The following CNOT2 variants were observed in gnomAD, a reference collection of about 807,000 sequenced individuals.
CNOT2 encodes CC chemokine receptor 4-negative regulator of transcription 2.
A neutral mutation model predicts 72.1 loss-of-function variants in CNOT2; 7 were observed. The ratio of observed to expected loss-of-function variants is 0.10; its 90% CI spans 0.06 to 0.18. CNOT2 has a LOEUF of 0.18. Ranked by LOEUF, CNOT2 falls within the 10% of genes least tolerant of loss-of-function variation. The pLI, the probability that CNOT2 is intolerant of heterozygous loss-of-function variation, is 1.00. For missense variants in CNOT2, 345 were observed against 660.3 expected, an observed-to-expected ratio of 0.52 and a Z score of 5.23; for synonymous variants, 196 against 225.6, an observed-to-expected ratio of 0.87 and a Z score of 1.17.
At chr12:70,253,815 A>C (rs61929912) in intron 1 of CNOT2, among the ~76,000 whole-genome samples, 17,965 of 152,190 alleles carry the variant, frequency 0.12, 1,430 homozygotes, top group Non-Finnish European at 0.18. Context: ...ATATGTTCTG[A>C]GACCCCAGTG....
At chr12:70,303,303 T>A (rs1381737873) in intron 2 of CNOT2, among the ~76,000 whole-genome samples, 1 of 152,234 alleles carries the variant, frequency 6.6e-6, no homozygotes, top group Non-Finnish European at 1.5e-5. Context: ...TGCAGTTTCT[T>A]CCTAGCCTTG....
At chr12:70,253,676 A>G (rs887084948) in intron 1 of CNOT2, among the ~76,000 whole-genome samples, 2 of 152,182 alleles carry the variant, frequency 1.3e-5, no homozygotes, top group Admixed American at 1.3e-4. Context: ...AGTGTTGCTG[A>G]TGGCAACTCA....
intron 4 of CNOT2, among the ~76,000 whole-genome samples, chr12:70,319,815 T>G (rs1877988016): frequency 6.6e-6 from 1 of 151,752 alleles, no homozygotes; most frequent in Non-Finnish European, 1.5e-5. Context: ...AAGTATTTCT[T>G]AAATATTTCT....
chr12:70,263,590 ACTTTC>A (rs1163283941), intron 1 of CNOT2, among the ~76,000 whole-genome samples: 4 of 152,090 alleles, frequency 2.6e-5, no homozygotes, highest in African/African-American at 9.7e-5. Flanking sequence ...GTCACATCAC[ACTTTC>A]CTTTACGTCT....
chr12:70,354,111 A>C lies in CNOT2; in HGVS notation c.*196A>C. 9.8e-7 allele frequency: 1 copy of C among 1,016,640 alleles called. No homozygotes were observed. Among genetic ancestry groups the C allele is most frequent in the Non-Finnish European group, 1.3e-6 (1 of 767,478 alleles). The allele number at this position is 1,016,640 out of a possible 1,614,324, so 63.0% of individuals were successfully genotyped here. A position where few individuals can be genotyped will look rare whatever the true frequency, so the allele number is the denominator to read the frequency against. ...TAATTATGTGCTGCCCAACAACTAA[A>C]TTTGTAATTTGTTTTTCTCTAGTTT... On this transcript the variant is annotated 3_prime_UTR_variant, in exon 16 of 16. Transcript: ENST00000229195.
chr12:70,283,549 G>A (rs1202227349), intron 2 of CNOT2, among the ~76,000 whole-genome samples: 1 of 150,432 alleles, frequency 6.6e-6, no homozygotes. Context: ...AAAGTTGTCA[G>A]ATCTGGTGCC....
At chr12:70,256,610 A>G (rs1375583456) in intron 1 of CNOT2, among the ~76,000 whole-genome samples, 1 of 149,914 alleles carries the variant, frequency 6.7e-6, no homozygotes, top group African/African-American at 2.4e-5. Flanking sequence ...AAAAGTGGTA[A>G]TAGCATATAC....
chr12:70,350,990 A>G (rs1466239742), intron 15 of CNOT2, among the ~76,000 whole-genome samples: 2 of 152,184 alleles, frequency 1.3e-5, no homozygotes, highest in Non-Finnish European at 2.9e-5. Flanking sequence ...CTTGAATTGA[A>G]CAAGTAACCT....
intron 1 of CNOT2, among the ~76,000 whole-genome samples, chr12:70,246,262 T>A (rs1370268937): frequency 6.6e-6 from 1 of 152,282 alleles, no homozygotes; most frequent in Non-Finnish European, 1.5e-5. Flanking sequence ...TCTGTTGGGA[T>A]CACATATTTG....
intron 2 of CNOT2, among the ~76,000 whole-genome samples, chr12:70,295,619 T>C (rs532625695): frequency 2.0e-5 from 3 of 152,284 alleles, no homozygotes; most frequent in Non-Finnish European, 4.4e-5. Flanking sequence ...TATTTTATAG[T>C]TTTACATCCT....
intron 1 of CNOT2, among the ~76,000 whole-genome samples, chr12:70,250,246 CAA>C (rs1421236868): frequency 3.9e-5 from 6 of 152,250 alleles, no homozygotes; most frequent in African/African-American, 1.2e-4. Flanking sequence ...GCTCGATCAC[CAA>C]AGTCACTTCC....
At chr12:70,245,680 C>G (rs1459041368) in intron 1 of CNOT2, among the ~76,000 whole-genome samples, 2 of 152,090 alleles carry the variant, frequency 1.3e-5, no homozygotes, top group African/African-American at 4.8e-5. Context: ...CCCCAAGTAC[C>G]TGCTCTTGAA....
intron 1 of CNOT2, among the ~76,000 whole-genome samples, chr12:70,266,631 C>T (rs1005587850): frequency 2.0e-5 from 3 of 152,122 alleles, no homozygotes; most frequent in East Asian, 3.9e-4. Flanking sequence ...GTTGTAAGTG[C>T]GTACACATTT....
intron 2 of CNOT2, among the ~76,000 whole-genome samples, chr12:70,302,169 C>T (rs1338446530): frequency 6.6e-6 from 1 of 152,122 alleles, no homozygotes; most frequent in Non-Finnish European, 1.5e-5. Context: ...AAACCAGCTC[C>T]TGGATTCATT....
At chr12:70,272,281 C>T (rs1218627942) in intron 1 of CNOT2, among the ~76,000 whole-genome samples, 1 of 152,132 alleles carries the variant, frequency 6.6e-6, no homozygotes, top group African/African-American at 2.4e-5. Context: ...TTCAGGGATA[C>T]AGACAGAAAA....
chr12:70,265,325 C>CG (rs1321669636), intron 1 of CNOT2, among the ~76,000 whole-genome samples: 9 of 148,520 alleles, frequency 6.1e-5, no homozygotes, highest in Non-Finnish European at 1.2e-4. Context: ...CTTCTCTTCT[C>CG]TTTCTTTCTT....
chr12:70,322,556 T>C (rs1279503062), intron 4 of CNOT2: 1 of 151,532 alleles, frequency 6.6e-6, no homozygotes, highest in Non-Finnish European at 1.5e-5. Flanking sequence ...TAGCAAAATA[T>C]CTGGGTGAAT....
rs1219389193 is a variant in CNOT2, at chr12:70,243,491, G to A, written c.-96+11G>A. ...AAGAAAATTCATGCGGTGAGTTTTT[G>A]GTAAATTTTCGGAAGTCTGGCAGCG... On this transcript the variant is annotated intron_variant, in intron 1 of 15. Coordinates refer to ENST00000229195, the MANE Select transcript of CNOT2 (RefSeq NM_014515.7). 1.3e-5 allele frequency: 2 copies of A among 152,592 alleles called. No homozygotes were observed. Among genetic ancestry groups the A allele is most frequent in the East Asian group, 1.9e-4 (1 of 5,146 alleles). The allele number at this position is 152,592 out of a possible 1,614,324, so 9.5% of individuals were successfully genotyped here. A position where few individuals can be genotyped will look rare whatever the true frequency, so the allele number is the denominator to read the frequency against.
At chr12:70,245,662 A>C (rs4761188) in intron 1 of CNOT2, among the ~76,000 whole-genome samples, 11,799 of 152,162 alleles carry the variant, frequency 0.078, 572 homozygotes, top group Admixed American at 0.15. Context: ...TGTATGAGTG[A>C]TTTATATCCC....
Sources: gnomAD v4.1 joint callset for allele counts (sites outside exome capture counted in the v4.1 genomes callset) on GRCh38, gnomAD v4.1.1 for gene constraint, MANE v1.5 for transcripts, NCBI Gene and HGNC (gene_info 2026-07-23, HGNC 2026-07-21) for gene names.